Variants in TRANK1 observed in about 807,000 individuals in gnomAD.
TRANK1 encodes the protein tetratricopeptide repeat and ankyrin repeat containing 1.
Under a neutral mutation model 266.0 loss-of-function variants are expected in TRANK1, and 198 were observed. The observed-to-expected ratio is 0.74, with a 90% confidence interval of 0.66 to 0.84. The LOEUF is 0.84. TRANK1 is among the 40% of genes least tolerant of loss of function. The pLI, the probability that TRANK1 is intolerant of heterozygous loss-of-function variation, is 0.00. For missense variants in TRANK1, 3,326 were observed against 3,634.6 expected (o/e 0.92, Z 2.18); for synonymous variants, 1,396 against 1,384.1 (o/e 1.01, Z -0.19).
In TRANK1 at chr3:36,831,393, C is replaced by T. The variant is rs753787717; in HGVS notation, c.8190G>A (p.Val2730=). ...TTCTCCTCCAACTGATGCACAGAGACACCACCAGGCATGCCCTCCTCAACT... is the reference window on the plus strand; with the variant it reads ...TTCTCCTCCAACTGATGCACAGAGATACCACCAGGCATGCCCTCCTCAACT... ...QRKLRRACLV[V]SLCISWRRRV... Residue 2730 remains valine (V), a synonymous_variant, in exon 22 of 24, where the codon GTG becomes GTA. Transcript: ENST00000645898. This position sits in a 1 kb window ranked among gnomAD's most constrained non-coding sequence, Gnocchi z 5.0. 2 of 1,613,028 alleles carry T rather than the reference C, an allele frequency of 1.2e-6. No homozygotes were observed. Among genetic ancestry groups the T allele is most frequent in the Non-Finnish European group, 8.5e-7 (1 of 1,179,520 alleles).
At chr3:36,840,051 T>C (rs1575185122) in intron 18 of TRANK1, among the ~76,000 whole-genome samples, 1 of 152,142 alleles carries the variant, frequency 6.6e-6, no homozygotes, top group East Asian at 1.9e-4. Context: ...GATTCAAATA[T>C]TCAAAAGGTA....
intron 1 of TRANK1, among the ~76,000 whole-genome samples, chr3:36,924,865 G>A (rs938786273): frequency 7.2e-5 from 11 of 152,272 alleles, no homozygotes; most frequent in East Asian, 1.9e-4. Context: ...GAGCCCCCCC[G>A]GACAGAATCC....
At chr3:36,902,873 T>C (rs145866038) in intron 3 of TRANK1, among the ~76,000 whole-genome samples, 18 of 152,338 alleles carry the variant, frequency 1.2e-4, no homozygotes, top group Admixed American at 3.3e-4. Flanking sequence ...TCCTACAAAG[T>C]GCATTTCAAC....
At chr3:36,896,763 G>A (rs765738659) in intron 4 of TRANK1, among the ~76,000 whole-genome samples, 2 of 152,236 alleles carry the variant, frequency 1.3e-5, no homozygotes, top group Non-Finnish European at 2.9e-5. Flanking sequence ...GGGAGGCCAA[G>A]GCGGGCAGAT....
At chr3:36,860,724 G>C (rs2079130278) in intron 11 of TRANK1, among the ~76,000 whole-genome samples, 182 bp downstream of exon 11, 1 of 152,172 alleles carries the variant, frequency 6.6e-6, no homozygotes. Context: ...AGATCCTCAA[G>C]GGCAACTCAC....
rs769524922 is a variant in TRANK1 at position 36,847,170 on chromosome 3, T to C, written c.5034+30A>G. 1.1e-5 allele frequency: 18 copies of C among 1,604,594 alleles called. No individual in the cohort carries two copies. In the African/African-American group the frequency reaches 2.3e-4, roughly 20 times the overall value. On this transcript the variant is annotated intron_variant, in intron 16 of 23. Coordinates refer to ENST00000645898, the MANE Select transcript of TRANK1 (RefSeq NM_001329998.2). ...CCTTTTTCACTACTTCCATGTCAAG[T>C]ACATGTGTTGACAAATGGCAGAAAT...
intron 1 of TRANK1, among the ~76,000 whole-genome samples, chr3:36,940,398 G>T (rs2080481537): frequency 6.6e-6 from 1 of 151,906 alleles, no homozygotes; most frequent in South Asian, 2.1e-4. Context: ...TACTTGGGAG[G>T]CTGAGGCAGG....
intron 2 of TRANK1, among the ~76,000 whole-genome samples, chr3:36,906,075 T>C (rs1054885335): frequency 6.6e-6 from 1 of 152,192 alleles, no homozygotes; most frequent in Non-Finnish European, 1.5e-5. Context: ...CACTACACAA[T>C]ACTACCTCTT....
At position 36,832,536 on chromosome 3, in the gene TRANK1, CT is replaced by C; in HGVS notation, c.7046del (p.Lys2349SerfsTer17). 1 of 1,613,970 alleles carries C rather than the reference CT, an allele frequency of 6.2e-7. No individual in the cohort carries two copies. Among genetic ancestry groups the C allele is most frequent in the Non-Finnish European group, 8.5e-7 (1 of 1,179,882 alleles). Reference sequence around the variant, plus strand: ...AGTTGTCCTCCTCCTGGTGGAGCAGCTTTTCAAACTCCTCCGGGTAGTTGGA... The same window carrying C: ...AGTTGTCCTCCTCCTGGTGGAGCAGCTTTCAAACTCCTCCGGGTAGTTGGA... ...LSSNYPEEFE[K>X]LLHQEEDNYN... is the part of the protein sequence containing the mutation. On this transcript the variant is annotated frameshift_variant, in exon 22 of 24. Transcript: ENST00000645898. LOFTEE classifies it high-confidence loss of function.
rs2079082152 is a variant in TRANK1, at chr3:36,857,934, G to A, written c.1788C>T (p.His596=). 4 of 1,604,282 alleles carry A rather than the reference G, an allele frequency of 2.5e-6. No homozygotes were observed. Among genetic ancestry groups the A allele is most frequent in the Non-Finnish European group, 3.4e-6 (4 of 1,179,840 alleles). The change falls in exon 13 of 24, where the codon CAC becomes CAT. Residue 596 remains histidine (H), a synonymous_variant. Coordinates refer to ENST00000645898, the MANE Select transcript of TRANK1 (RefSeq NM_001329998.2). The surrounding 1 kb of genome is among the most constrained non-coding windows in gnomAD (Gnocchi z 4.3). ...VQDSNGNTLM[H]ILFQKGMLKR... ...TTAGCATGCCCTTCTGGAAGAGGAT[G>A]TGCATCAGCGTGTTCCCATTGCTGT...
At position 36,857,288 on chromosome 3, in the gene TRANK1, C is replaced by A. The variant is rs1223488394; in HGVS notation, c.2434G>T (p.Asp812Tyr). Residue 812 changes from aspartate (D) to tyrosine (Y), a missense_variant, in exon 13 of 24, where the codon GAT becomes TAT. Coordinates refer to ENST00000645898, the MANE Select transcript of TRANK1 (RefSeq NM_001329998.2). The surrounding 1 kb of genome is among the most constrained non-coding windows in gnomAD (Gnocchi z 4.3). ...TGCGTGCTCCAGTCATCCTGATCAT[C>A]ATTGCCCTCCTTCCCCCTGTTATCA... ...PDDNRGKEGN[D>Y]DQDDWSTQEI... 3.1e-6 allele frequency: 5 copies of A among 1,610,014 alleles called. No homozygotes were observed. Among genetic ancestry groups the A allele is most frequent in the Non-Finnish European group, 4.2e-6 (5 of 1,177,950 alleles).
intron 9 of TRANK1, among the ~76,000 whole-genome samples, chr3:36,871,085 T>A (rs1345835350): frequency 6.6e-6 from 1 of 151,166 alleles, no homozygotes; most frequent in Non-Finnish European, 1.5e-5. Context: ...GAGATTAAAA[T>A]TAATAAAATA....
chr3:36,837,601 G>A (rs531497625), intron 20 of TRANK1, among the ~76,000 whole-genome samples: 2 of 152,288 alleles, frequency 1.3e-5, no homozygotes, highest in South Asian at 4.1e-4. Flanking sequence ...TTAAATTTCC[G>A]ATCCATCACA....
chr3:36,852,022 G>A, intron 14 of TRANK1, 124 bp downstream of exon 14: 1 of 1,362,952 alleles, frequency 7.3e-7, no homozygotes, highest in South Asian at 1.5e-5. Flanking sequence ...GCCATCTCTG[G>A]AACTCACCCA....
intron 1 of TRANK1, among the ~76,000 whole-genome samples, 163 bp downstream of exon 1, chr3:36,944,624 G>C (rs1030873642): frequency 1.4e-4 from 22 of 152,112 alleles, no homozygotes; most frequent in African/African-American, 5.3e-4. Context: ...AACTGGCTCG[G>C]GTCTGCACCT....
chr3:36,874,460 C>T (rs2079356869), intron 8 of TRANK1, among the ~76,000 whole-genome samples, 164 bp from the exon 9 acceptor site: 1 of 152,078 alleles, frequency 6.6e-6, no homozygotes, highest in African/African-American at 2.4e-5. Flanking sequence ...GTCCACTCAA[C>T]TCCCTGAAGC....
At chr3:36,902,748 C>T (rs1029561462) in intron 3 of TRANK1, among the ~76,000 whole-genome samples, 2 of 152,216 alleles carry the variant, frequency 1.3e-5, no homozygotes, top group Non-Finnish European at 2.9e-5. Flanking sequence ...ATGAAACTTG[C>T]GAACGGCAAA....
At position 36,846,239 on chromosome 3, in the gene TRANK1, G is replaced by T. The variant is rs2078912319; in HGVS notation, c.5191+9C>A. ...TCCATCAGTTAAGAGTATTTTAACA[G>T]GATCTTACCTTTATTTTCATCTGTC... On this transcript the variant is annotated intron_variant, in intron 17 of 23. Coordinates refer to ENST00000645898, the MANE Select transcript of TRANK1 (RefSeq NM_001329998.2). The T allele has an allele frequency of 6.4e-7, 1 of 1,571,384 alleles. No homozygotes were observed.
In TRANK1 at chr3:36,903,290, C is replaced by T. The variant is rs889728844; in HGVS notation, c.156-15G>A. On this transcript the variant is annotated splice_polypyrimidine_tract_variant and intron_variant, in intron 2 of 23. Transcript: ENST00000645898. ...TCGGGGGAACCCTGTAAGAACAAAC[C>T]GGTGGTCTGTCATGGTTCTGCAAAT... 6.5e-6 allele frequency: 10 copies of T among 1,535,874 alleles called. No homozygotes were observed. In the East Asian group the frequency reaches 7.3e-5, roughly 11 times the overall value.
Sources: gnomAD v4.1 joint callset for allele counts (sites outside exome capture counted in the v4.1 genomes callset) on GRCh38, gnomAD v4.1.1 for gene constraint, Gnocchi (gnomAD v3.1) non-coding constraint, MANE v1.5 for transcripts, NCBI Gene and HGNC (gene_info 2026-07-23, HGNC 2026-07-21) for gene names.